STAT4: variants seen among roughly 807,000 people sequenced by gnomAD.
The protein encoded by STAT4 is signal transducer and activator of transcription 4.
STAT4 carries 42 observed loss-of-function variants against 110.5 expected under a neutral mutation model. The observed-to-expected ratio is 0.38, with a 90% CI of 0.30 to 0.49. The LOEUF (loss-of-function observed/expected upper bound fraction) is 0.49, where lower values mean the gene tolerates loss of function less well. Among genes scored for constraint, STAT4 ranks in the 20% least tolerant of loss-of-function variants. The pLI is 0.95. For synonymous variants in STAT4, 284 were observed against 302.2 expected, an observed-to-expected ratio of 0.94 and a Z score of 0.63; for missense variants, 632 against 887.9, an observed-to-expected ratio of 0.71 and a Z score of 3.66.
intron 7 of STAT4, among the ~76,000 whole-genome samples, chr2:191,065,381 T>A (rs959534839): frequency 9.2e-5 from 14 of 152,180 alleles, no homozygotes; most frequent in Non-Finnish European, 1.8e-4. Context: ...CTTAGGACTT[T>A]TTCTGGGTTT....
At chr2:191,145,897 C>G (rs1471474148) in intron 3 of STAT4, among the ~76,000 whole-genome samples, 1 of 152,098 alleles carries the variant, frequency 6.6e-6, no homozygotes, top group Non-Finnish European at 1.5e-5. Context: ...GCTTTTAATT[C>G]TTTAGATCCC....
chr2:191,108,934 T>C lies in STAT4; in HGVS notation c.274-32609A>G, dbSNP rs906366918. 2.0e-5 allele frequency among the ~76,000 whole-genome samples: 3 copies of C among 152,246 alleles called. No individual in the cohort carries two copies. In the South Asian group the frequency reaches 6.2e-4, roughly 32 times the overall value. ...ACTTTCTGAAAAATAAAACTGTTTG[T>C]GTGACAAACCTTTTTTCCACTTGGC... is the stretch of plus-strand genomic sequence containing the variant. On this transcript the variant is annotated intron_variant, in intron 3 of 23. Transcript: ENST00000392320.
Position 191,066,642 on chromosome 2 carries a change from T to G in STAT4, c.545-127A>C. The G allele has an allele frequency of 1.4e-6, 1 of 719,430 alleles. No homozygotes were observed. 44.6% of individuals were successfully genotyped at this position (719,430 alleles called of 1,614,324 possible). A position where few individuals can be genotyped will look rare whatever the true frequency, so the allele number is the denominator to read the frequency against. On this transcript the variant is annotated intron_variant, in intron 6 of 23. Transcript: ENST00000392320. The surrounding 1 kb of genome is among the most constrained non-coding windows in gnomAD (Gnocchi z 4.3). ...GTGGTAAGAGACTAATTGGGTTCAC[T>G]AGAGGTGAGCTTGGAAGTCTGTCTG...
rs1407912315 is a variant in STAT4 at position 191,090,014 on chromosome 2, C to T, written c.274-13689G>A. On this transcript the variant is annotated intron_variant, in intron 3 of 23. Coordinates refer to ENST00000392320, the MANE Select transcript of STAT4 (RefSeq NM_003151.4). This position sits in a 1 kb window ranked among gnomAD's most constrained non-coding sequence, Gnocchi z 4.2. ...ATGATATTACACATTTGATAAAACA[C>T]ATAGAACATATAGTGAGCCCTAATG... is the stretch of plus-strand genomic sequence containing the variant. Among the ~76,000 whole-genome samples the T allele has an allele frequency of 6.6e-6, 1 of 151,982 alleles. No homozygotes were observed. Among genetic ancestry groups the T allele is most frequent in the Non-Finnish European group, 1.5e-5 (1 of 68,008 alleles).
chr2:191,051,576 G>C lies in STAT4; in HGVS notation c.1251+2914C>G, dbSNP rs918940296. On this transcript the variant is annotated intron_variant, in intron 14 of 23. Coordinates refer to ENST00000392320, the MANE Select transcript of STAT4 (RefSeq NM_003151.4). The surrounding 1 kb of genome is among the most constrained non-coding windows in gnomAD (Gnocchi z 5.6). ...GTGCAAAAGGAGACACAGTAGACAA[G>C]AGAGGTCAACAACATTTTCTGAGGA... Among the ~76,000 whole-genome samples the C allele has an allele frequency of 6.6e-6, 1 of 152,256 alleles. No individual in the cohort carries two copies. Among genetic ancestry groups the C allele is most frequent in the Non-Finnish European group, 1.5e-5 (1 of 68,052 alleles).
At position 191,094,885 on chromosome 2, in the gene STAT4, G is replaced by A. The variant is rs182151758; in HGVS notation, c.274-18560C>T. Among the ~76,000 whole-genome samples, 1,162 of 127,602 alleles carry A rather than the reference G, an allele frequency of 9.1e-3. 15 individuals carry two copies. The highest frequency in any genetic ancestry group is 0.059 in the Middle Eastern group (12 of 202). The allele number at this position is 127,602 out of a possible 152,430, so 83.7% of individuals were successfully genotyped here. Reference sequence around the variant, plus strand: ...GACACATACAGGCTCAAAATAAAGGGATGGAGGAAGATCTACCAAGCAAAT... The same window carrying A: ...GACACATACAGGCTCAAAATAAAGGAATGGAGGAAGATCTACCAAGCAAAT... On this transcript the variant is annotated intron_variant, in intron 3 of 23. Transcript: ENST00000392320.
intron 3 of STAT4, among the ~76,000 whole-genome samples, chr2:191,094,170 A>ATAT (rs1462947713): frequency 6.6e-6 from 1 of 152,254 alleles, no homozygotes; most frequent in African/African-American, 2.4e-5. Context: ...ACTCTTCAGG[A>ATAT]TATTATCCGG....
chr2:191,068,940 T>TA (rs1697068566), intron 6 of STAT4, among the ~76,000 whole-genome samples: 2 of 152,244 alleles, frequency 1.3e-5, no homozygotes, highest in South Asian at 4.1e-4. Flanking sequence ...TTTCAGTGTT[T>TA]AACCACAGAA....
chr2:191,139,469 A>G (rs143588767), intron 3 of STAT4, among the ~76,000 whole-genome samples: 2 of 152,346 alleles, frequency 1.3e-5, no homozygotes, highest in Middle Eastern at 3.4e-3. Context: ...CAAGCTGAGA[A>G]TCAAATCAAT....
intron 3 of STAT4, among the ~76,000 whole-genome samples, chr2:191,136,304 A>G (rs1433954291): frequency 6.6e-6 from 1 of 152,250 alleles, no homozygotes; most frequent in African/African-American, 2.4e-5. Context: ...GAAAAAGCTG[A>G]AAGTCTTTTC....
intron 4 of STAT4, 173 bp downstream of exon 4, chr2:191,076,054 G>T (rs1341362167): frequency 6.3e-5 from 34 of 540,938 alleles, no homozygotes; most frequent in Admixed American, 2.2e-4. Flanking sequence ...GGGTCTTGCT[G>T]CATTGGCCAG....
chr2:191,089,595 A>G (rs1677666640), intron 3 of STAT4, among the ~76,000 whole-genome samples: 1 of 152,274 alleles, frequency 6.6e-6, no homozygotes, highest in Non-Finnish European at 1.5e-5. Context: ...TTCTACATGA[A>G]AACCTACACA....
At chr2:191,102,223 G>C (rs563455144) in intron 3 of STAT4, among the ~76,000 whole-genome samples, 162 of 152,068 alleles carry the variant, frequency 1.1e-3, no homozygotes, top group Non-Finnish European at 2.0e-3. Context: ...AGGCATAAAT[G>C]GGCTATGTGA....
intron 3 of STAT4, among the ~76,000 whole-genome samples, chr2:191,120,373 A>G (rs1047031372): frequency 1.3e-5 from 2 of 152,168 alleles, no homozygotes; most frequent in African/African-American, 4.8e-5. Context: ...TAAATGATCA[A>G]AAAGCCTAGG....
chr2:191,076,594 C>A (rs1447513556), intron 3 of STAT4, among the ~76,000 whole-genome samples: 1 of 151,750 alleles, frequency 6.6e-6, no homozygotes, highest in Admixed American at 6.6e-5. Flanking sequence ...TAGGAAAGAT[C>A]CTGAACACAC....
intron 3 of STAT4, among the ~76,000 whole-genome samples, chr2:191,080,249 T>G (rs1697423967): frequency 6.6e-6 from 1 of 152,152 alleles, no homozygotes; most frequent in African/African-American, 2.4e-5. Context: ...CTTGATTTAT[T>G]TCAACATAGA....
chr2:191,110,439 C>T lies in STAT4; in HGVS notation c.274-34114G>A, dbSNP rs2125360459. On this transcript the variant is annotated intron_variant, in intron 3 of 23. Coordinates refer to ENST00000392320, the MANE Select transcript of STAT4 (RefSeq NM_003151.4). The surrounding 1 kb of genome is among the most constrained non-coding windows in gnomAD (Gnocchi z 4.5). ...TCATCTCATTCAAAGCCTACTGTAG[C>T]CCTAAGATAGCTATTATTCCTATTT... is the stretch of plus-strand genomic sequence containing the variant. 6.6e-6 allele frequency among the ~76,000 whole-genome samples: 1 copy of T among 152,226 alleles called. No individual in the cohort carries two copies. Among genetic ancestry groups the T allele is most frequent in the East Asian group, 1.9e-4 (1 of 5,180 alleles).
At chr2:191,124,124 T>C (rs559911774) in intron 3 of STAT4, among the ~76,000 whole-genome samples, 38 of 152,280 alleles carry the variant, frequency 2.5e-4, no homozygotes, top group African/African-American at 8.9e-4. Flanking sequence ...TAAGGCAATA[T>C]TCATATTTTC....
intron 5 of STAT4, among the ~76,000 whole-genome samples, chr2:191,070,244 T>G (rs543286588): frequency 6.6e-6 from 1 of 152,324 alleles, no homozygotes; most frequent in South Asian, 2.1e-4. Context: ...TGCCTATGCT[T>G]CTTCTGTGTC....
Sources: gnomAD v4.1 joint callset for allele counts (sites outside exome capture counted in the v4.1 genomes callset) on GRCh38, gnomAD v4.1.1 for gene constraint, Gnocchi (gnomAD v3.1) non-coding constraint, MANE v1.5 for transcripts, NCBI Gene and HGNC (gene_info 2026-07-23, HGNC 2026-07-21) for gene names.